The following CCDC154 variants were observed in gnomAD, a reference collection of about 807,000 sequenced individuals.
The protein encoded by CCDC154 is coiled-coil domain containing 154.
A neutral mutation model predicts 87.5 loss-of-function variants in CCDC154; 91 were observed. That is an observed-to-expected ratio of 1.04 (90% CI 0.88 to 1.24). The LOEUF (loss-of-function observed/expected upper bound fraction) is 1.24, where lower values mean the gene tolerates loss of function less well. Among genes scored for constraint, CCDC154 ranks in the 50% most tolerant of loss-of-function variants. The probability of loss-of-function intolerance (pLI) is 0.00; values close to 1 mark genes in which losing one functional copy is unlikely to be tolerated. For missense variants in CCDC154, 903 were observed against 879.2 expected, an observed-to-expected ratio of 1.03 and a Z score of -0.34; for synonymous variants, 418 against 400.4, an observed-to-expected ratio of 1.04 and a Z score of -0.52.
Position 1,436,519 on chromosome 16 carries a change from T to C in CCDC154, c.1413A>G (p.Ile471Met). Residue 471 changes from isoleucine (I) to methionine (M), a missense_variant and splice_region_variant, in exon 13 of 17, where the codon ATA becomes ATG. Transcript: ENST00000389176. ...GCAGGCACTTGTCGGAGACACTCTC[T>C]ATCTGAACACAGAGCCGGGAGCGGC... ...REKVDGLPQQ[I>M]ESVSDKCLLH... 6.5e-7 allele frequency: 1 copy of C among 1,548,726 alleles called. No individual in the cohort carries two copies. Among genetic ancestry groups the C allele is most frequent in the Non-Finnish European group, 8.7e-7 (1 of 1,146,638 alleles).
In CCDC154 at chr16:1,434,672, C is replaced by T; in HGVS notation, c.1873G>A (p.Val625Met). ...GCCGGGATCCCTGCTGCCCACCTCACAGCCTGGTACACGCCCCAGCAGTTC... is the reference window on the plus strand; with the variant it reads ...GCCGGGATCCCTGCTGCCCACCTCATAGCCTGGTACACGCCCCAGCAGTTC... ...PMNCWGVYQA[V>M]RWLRWKASLI... is the part of the protein sequence containing the mutation. The change falls in exon 16 of 17, where the codon GTG (valine) becomes ATG (methionine). Residue 625 changes from valine (V) to methionine (M), a missense_variant. By Grantham distance (21) the Val-to-Met change is conservative. Coordinates refer to ENST00000389176, the MANE Select transcript of CCDC154 (RefSeq NM_001143980.3). 6.5e-7 allele frequency: 1 copy of T among 1,546,136 alleles called. No individual in the cohort carries two copies.
chr16:1,442,292 G>A, intron 6 of CCDC154, 114 bp downstream of exon 6: 1 of 1,189,778 alleles, frequency 8.4e-7, no homozygotes, highest in East Asian at 2.7e-5. Flanking sequence ...GCTGATTTCA[G>A]TGGACACAGA....
intron 6 of CCDC154, among the ~76,000 whole-genome samples, chr16:1,442,010 G>A (rs1443117002): frequency 2.0e-5 from 3 of 152,148 alleles, no homozygotes; most frequent in Non-Finnish European, 4.4e-5. Context: ...TCCTCCTGCT[G>A]GATTCAAGCA....
At chr16:1,438,482 C>G in intron 9 of CCDC154, 137 bp downstream of exon 9, 3 of 860,498 alleles carry the variant, frequency 3.5e-6, no homozygotes, top group Non-Finnish European at 3.6e-6. Context: ...CACCATCCAG[C>G]TGCAGCCCTC....
At chr16:1,436,416 GC>G in intron 13 of CCDC154, 28 bp downstream of exon 13, 1 of 1,527,632 alleles carries the variant, frequency 6.5e-7, no homozygotes, top group Non-Finnish European at 8.9e-7. Flanking sequence ...CAGAGCCCCT[GC>G]CCCTCTCCCA....
rs1353038346 is a variant in CCDC154 at position 1,439,007 on chromosome 16, C to T, written c.777+18G>A. 3 of 1,550,064 alleles carry T rather than the reference C, an allele frequency of 1.9e-6. No individual in the cohort carries two copies. The highest frequency in any genetic ancestry group is 3.9e-5 in the Admixed American group (2 of 50,992). ...TGGGAAGGGGGGCAGGGCAGGCCAG[C>T]CGCGGGCAGGCTCCCACCTTCTCCA... On this transcript the variant is annotated intron_variant, in intron 7 of 16. Transcript: ENST00000389176.
chr16:1,436,798 C>T lies in CCDC154; in HGVS notation c.1304G>A (p.Trp435Ter). Residue 435 changes from tryptophan (W) to a stop codon, truncating the protein, a stop_gained, in exon 12 of 17, where the codon TGG becomes TAG. Transcript: ENST00000389176. LOFTEE classifies it high-confidence loss of function. ...CAGGGACTTCCTCTCTGCACCTTCC[C>T]ATTCGGTCTTTGCCTGGGGTACAGA... ...GLRLSEAKTE[W>*]EGAERKSLED... is the part of the protein sequence containing the mutation. 6.4e-7 allele frequency: 1 copy of T among 1,550,550 alleles called. No individual in the cohort carries two copies. Among genetic ancestry groups the T allele is most frequent in the Non-Finnish European group, 8.7e-7 (1 of 1,146,940 alleles).
At chr16:1,437,554 G>T (rs991007835) in intron 11 of CCDC154, 38 of 449,014 alleles carry the variant, frequency 8.5e-5, no homozygotes, top group African/African-American at 6.2e-5. Context: ...TGAGCTGCCC[G>T]CATGGCCGGG....
chr16:1,436,565 C>G, intron 12 of CCDC154, 44 bp from the exon 13 acceptor site: 1 of 1,546,662 alleles, frequency 6.5e-7, no homozygotes, highest in Non-Finnish European at 8.7e-7. Flanking sequence ...AGGGCGCCAT[C>G]TAGGACCAGC....
chr16:1,434,876 C>T, intron 15 of CCDC154, 24 bp from the exon 16 acceptor site: 1 of 1,478,144 alleles, frequency 6.8e-7, no homozygotes, highest in Non-Finnish European at 9.0e-7. Flanking sequence ...ATGCTGGTGT[C>T]ACCCAGGAGC....
intron 4 of CCDC154, 36 bp from the exon 5 acceptor site, chr16:1,443,011 C>T (rs909829326): frequency 3.0e-5 from 47 of 1,547,668 alleles, no homozygotes; most frequent in East Asian, 7.3e-5. Flanking sequence ...GAGGCCCAGG[C>T]GGGCTGAGCA....
In CCDC154 at chr16:1,444,257, C is replaced by A. The variant is rs190991958; in HGVS notation, c.7+59G>T. The A allele has an allele frequency of 1.2e-3, 1,563 of 1,290,662 alleles. 2 individuals are homozygous for A. Among genetic ancestry groups the A allele is most frequent in the Non-Finnish European group, 1.5e-3 (1,456 of 983,206 alleles). The allele number at this position is 1,290,662 out of a possible 1,614,324, so 80.0% of individuals were successfully genotyped here. ...AGCCCGGGGTCAGAAGCAGAGCGGT[C>A]CCCACCCTCACACCTGTGGCAAGCC... On this transcript the variant is annotated intron_variant, in intron 1 of 16. Transcript: ENST00000389176.
chr16:1,442,622 C>A (rs1041821730), intron 5 of CCDC154, 93 bp from the exon 6 acceptor site: 1 of 1,352,534 alleles, frequency 7.4e-7, no homozygotes, highest in Admixed American at 2.8e-5. Flanking sequence ...AGGAGGTGTA[C>A]GACCCCCGCC....
chr16:1,439,188 C>T, intron 6 of CCDC154, 62 bp from the exon 7 acceptor site: 1 of 1,416,398 alleles, frequency 7.1e-7, no homozygotes, highest in Non-Finnish European at 9.7e-7. Flanking sequence ...GGTCCCCCTC[C>T]TGCCCATGGT....
chr16:1,444,444 C>T lies in CCDC154; in HGVS notation c.-122G>A. 9.5e-7 allele frequency: 1 copy of T among 1,054,616 alleles called. No individual in the cohort carries two copies. The highest frequency in any genetic ancestry group is 1.7e-5 in the African/African-American group (1 of 60,198). The allele number at this position is 1,054,616 out of a possible 1,614,324, so 65.3% of individuals were successfully genotyped here. A position where few individuals can be genotyped will look rare whatever the true frequency, so the allele number is the denominator to read the frequency against. ...GGAGCCAGAGGAAGTCCCGTGAGAGCTCTGGGCCTTGAGGGACGAGCTGCT... is the reference window on the plus strand; with the variant it reads ...GGAGCCAGAGGAAGTCCCGTGAGAGTTCTGGGCCTTGAGGGACGAGCTGCT... On this transcript the variant is annotated 5_prime_UTR_variant, in exon 1 of 17. Coordinates refer to ENST00000389176, the MANE Select transcript of CCDC154 (RefSeq NM_001143980.3).
Position 1,434,518 on chromosome 16 carries a change from C to T in CCDC154, c.1894G>A (p.Ala632Thr), listed in dbSNP as rs1365759091. 1.2e-5 allele frequency: 18 copies of T among 1,547,412 alleles called. No individual in the cohort carries two copies. The highest frequency in any genetic ancestry group is 1.4e-5 in the Non-Finnish European group (16 of 1,146,042). The part of the protein sequence containing the change: ...YQAVRWLRWK[A>T]SLIKLRALRR... ...AGGGCCCTGAGCTTTATGAGGGACG[C>T]CTTCCAGCGCAGCCACCTGTCCAGA... Residue 632 changes from alanine to threonine, a missense_variant, in exon 17 of 17, where the codon GCG becomes ACG. Transcript: ENST00000389176.
rs2038578779 is a variant in CCDC154, at chr16:1,443,618, A to G, written c.302T>C (p.Leu101Pro). ...QRCERATRSL[L>P]RELLQVRARV... ...GGCCCGCACCTGGAGCAGCTCCCGC[A>G]GCAGGCTCCGCGTGGCGCGCTCACA... Residue 101 changes from leucine to proline, a missense_variant, in exon 3 of 17, where the codon CTG (leucine) becomes CCG (proline). By Grantham distance (98) the Leu-to-Pro change is moderately conservative. Coordinates refer to ENST00000389176, the MANE Select transcript of CCDC154 (RefSeq NM_001143980.3). The G allele has an allele frequency of 1.4e-6, 2 of 1,415,422 alleles. No homozygotes were observed. Among genetic ancestry groups the G allele is most frequent in the Non-Finnish European group, 1.9e-6 (2 of 1,075,398 alleles). The allele number at this position is 1,415,422 out of a possible 1,614,324, so 87.7% of individuals were successfully genotyped here.
chr16:1,443,676 CGGCCTGCAGCTCCACCACCCT>C lies in CCDC154; in HGVS notation c.225-2_243del. The C allele has an allele frequency of 7.7e-7, 1 of 1,292,928 alleles. No homozygotes were observed. Among genetic ancestry groups the C allele is most frequent in the Non-Finnish European group, 1.0e-6 (1 of 997,396 alleles). The allele number at this position is 1,292,928 out of a possible 1,614,324, so 80.1% of individuals were successfully genotyped here. ...TTGTGCTCCCGCAGGCAGGCCACCT[CGGCCTGCAGCTCCACCACCCT>C]GGCCGGGGCGAGAGTGGGCGAGTCT... On this transcript the variant is annotated splice_acceptor_variant and coding_sequence_variant, in exon 3 of 17. Transcript: ENST00000389176. LOFTEE classifies it high-confidence loss of function.
rs770544794 is a variant in CCDC154, at chr16:1,434,788, C to T, written c.1757G>A (p.Arg586Gln). ...CGCCTTCCAGCTGCCCAGCGGCGTC[C>T]GCGGGCCCTCCTCACTCCACAGCCG... ...VLRLWSEEGP[R>Q]TPLGSWKALP... The change falls in exon 16 of 17, where the codon CGG becomes CAG. Residue 586 changes from arginine to glutamine, a missense_variant. By Grantham distance (43) the Arg-to-Gln change is conservative. Transcript: ENST00000389176. The T allele has an allele frequency of 1.2e-5, 18 of 1,541,262 alleles. No individual in the cohort carries two copies. The highest frequency in any genetic ancestry group is 5.5e-5 in the African/African-American group (4 of 73,134).
Sources: gnomAD v4.1 joint callset for allele counts (sites outside exome capture counted in the v4.1 genomes callset) on GRCh38, gnomAD v4.1.1 for gene constraint, MANE v1.5 for transcripts, NCBI Gene and HGNC (gene_info 2026-07-23, HGNC 2026-07-21) for gene names.